The following FAM81B variants were observed in gnomAD, a reference collection of about 807,000 sequenced individuals.
FAM81B encodes protein FAM81B.
Under a neutral mutation model 58.7 loss-of-function variants are expected in FAM81B, and 60 were observed. That is an observed-to-expected ratio of 1.02 (90% confidence interval 0.83 to 1.27). The LOEUF is 1.27. FAM81B is among the 50% of genes most tolerant of loss of function. The pLI, the probability that FAM81B is intolerant of heterozygous loss-of-function variation, is 0.00. For synonymous variants in FAM81B, 189 were observed against 179.6 expected, an observed-to-expected ratio of 1.05 and a Z score of -0.42; for missense variants, 491 against 522.0, an observed-to-expected ratio of 0.94 and a Z score of 0.58.
At chr5:95,446,240 C>CA (rs1312519444) in intron 7 of FAM81B, among the ~76,000 whole-genome samples, 1 of 152,200 alleles carries the variant, frequency 6.6e-6, no homozygotes, top group Non-Finnish European at 1.5e-5. Context: ...CAGTGAGCCC[C>CA]AGGCCATGAG....
At chr5:95,424,966 A>G (rs1273478788) in intron 5 of FAM81B, among the ~76,000 whole-genome samples, 1 of 152,206 alleles carries the variant, frequency 6.6e-6, no homozygotes, top group Non-Finnish European at 1.5e-5. Context: ...AGATTAATCT[A>G]CTTTAGAAGC....
intron 3 of FAM81B, among the ~76,000 whole-genome samples, chr5:95,406,837 T>G (rs565112893): frequency 4.7e-4 from 72 of 152,312 alleles, no homozygotes; most frequent in South Asian, 3.1e-3. Flanking sequence ...AATAACTGTC[T>G]AACTCATTTC....
At chr5:95,447,927 C>T (rs187361459) in intron 8 of FAM81B, among the ~76,000 whole-genome samples, 94 of 152,250 alleles carry the variant, frequency 6.2e-4, no homozygotes, top group African/African-American at 2.2e-3. Flanking sequence ...GAAGTCTGTC[C>T]ACGTGGAGGT....
At chr5:95,443,854 G>A (rs1745455359) in intron 7 of FAM81B, among the ~76,000 whole-genome samples, 1 of 152,106 alleles carries the variant, frequency 6.6e-6, no homozygotes, top group Admixed American at 6.5e-5. Context: ...TTCAATTACT[G>A]ATATGCCCTT....
chr5:95,446,575 T>C lies in FAM81B; in HGVS notation c.907T>C (p.Ser303Pro). The change falls in exon 8 of 10, where the codon TCA becomes CCA. Residue 303 changes from serine (S) to proline (P), a missense_variant. Ser to Pro is a moderately conservative substitution (Grantham distance 74, BLOSUM62 -1). Coordinates refer to ENST00000283357, the MANE Select transcript of FAM81B (RefSeq NM_152548.3). ...TTTTTCCCATAGATTTCATTCACTT[T>C]CAAGTAATCTGTACGAAGAAGTTGA... ...NLLEFKFHSL[S>P]SNLYEEVENN... The C allele has an allele frequency of 6.3e-7, 1 of 1,590,304 alleles. No homozygotes were observed. The highest frequency in any genetic ancestry group is 8.5e-7 in the Non-Finnish European group (1 of 1,172,850).
chr5:95,438,063 A>G (rs965672993), intron 7 of FAM81B, among the ~76,000 whole-genome samples: 2 of 152,228 alleles, frequency 1.3e-5, no homozygotes, highest in African/African-American at 4.8e-5. Context: ...AAACCGTAGC[A>G]TATCATCATT....
intron 5 of FAM81B, among the ~76,000 whole-genome samples, chr5:95,428,041 C>G (rs1762894596): frequency 6.6e-6 from 1 of 152,160 alleles, no homozygotes; most frequent in Non-Finnish European, 1.5e-5. Flanking sequence ...TATGACAGTG[C>G]CTGACTGAGA....
intron 6 of FAM81B, among the ~76,000 whole-genome samples, chr5:95,432,651 A>C (rs992316748): frequency 6.6e-6 from 1 of 152,022 alleles, no homozygotes; most frequent in African/African-American, 2.4e-5. Flanking sequence ...CTTAGAAAAA[A>C]AATCTATTTC....
rs185812178 is a variant in FAM81B, at chr5:95,403,916, G to A, written c.293+7741G>A. Among the ~76,000 whole-genome samples, 96 of 152,294 alleles carry A rather than the reference G, an allele frequency of 6.3e-4. No homozygotes were observed. The East Asian group carries it at 0.015, about 23-fold the overall frequency. On this transcript the variant is annotated intron_variant, in intron 3 of 9. Transcript: ENST00000283357. Reference sequence around the variant, plus strand: ...GTTTGCCCCTCAGAAGGACATGGGGGACAGGAAGGATGAATCAAGTCAGGC... The same window carrying A: ...GTTTGCCCCTCAGAAGGACATGGGGAACAGGAAGGATGAATCAAGTCAGGC...
intron 3 of FAM81B, among the ~76,000 whole-genome samples, chr5:95,408,777 T>C (rs552227750): frequency 2.0e-5 from 3 of 152,352 alleles, no homozygotes; most frequent in Admixed American, 2.0e-4. Context: ...AGCCACAAGG[T>C]CTGGCTTGTA....
intron 1 of FAM81B, among the ~76,000 whole-genome samples, chr5:95,392,210 G>A (rs1427935503): frequency 6.6e-6 from 1 of 152,178 alleles, no homozygotes; most frequent in Non-Finnish European, 1.5e-5. Flanking sequence ...GCAGGGACAT[G>A]GATGAAGCTG....
At chr5:95,426,603 G>T (rs1285561961) in intron 5 of FAM81B, among the ~76,000 whole-genome samples, 1 of 152,154 alleles carries the variant, frequency 6.6e-6, no homozygotes, top group South Asian at 2.1e-4. Context: ...TGAAGGTTGC[G>T]CACTCCAGGA....
At position 95,413,264 on chromosome 5, in the gene FAM81B, A is replaced by C. The variant is rs146864640; in HGVS notation, c.294-683A>C. Among the ~76,000 whole-genome samples the C allele has an allele frequency of 4.0e-3, 603 of 152,258 alleles. 2 individuals carry two copies. The highest frequency in any genetic ancestry group is 0.01 in the Middle Eastern group (3 of 294). On this transcript the variant is annotated intron_variant, in intron 3 of 9. Transcript: ENST00000283357. ...GTTGTGCACTCAGACTCACACACTA[A>C]TCTCCTCTGGAAACACCCTCACAAG...
At chr5:95,413,890 G>A (rs1237207748) in intron 3 of FAM81B, 57 bp from the exon 4 acceptor site, 1 of 1,539,600 alleles carries the variant, frequency 6.5e-7, no homozygotes, top group Non-Finnish European at 8.7e-7. Flanking sequence ...CTGGTTCCTG[G>A]CTCCTCCAGC....
chr5:95,413,914 G>T (rs761892066), intron 3 of FAM81B, 33 bp from the exon 4 acceptor site: 22 of 1,589,424 alleles, frequency 1.4e-5, no homozygotes, highest in Non-Finnish European at 1.7e-5. Flanking sequence ...TTCTTGTAAT[G>T]CCCTGGTGTT....
At chr5:95,450,112 A>G in intron 9 of FAM81B, 37 bp from the exon 10 acceptor site, 1 of 1,563,110 alleles carries the variant, frequency 6.4e-7, no homozygotes, top group South Asian at 1.2e-5. Context: ...GCTCTAATGC[A>G]TTGTTTAAGT....
chr5:95,431,653 A>T lies in FAM81B; in HGVS notation c.786+2921A>T, dbSNP rs147460531. Among the ~76,000 whole-genome samples, 325 of 151,866 alleles carry T rather than the reference A, an allele frequency of 2.1e-3. 3 individuals are homozygous for T. The East Asian group carries it at 0.023, about 11-fold the overall frequency. ...TTAAGTTCTTGAGGAGTATTTTCAAATTTTTCTCATGTAGATTTGGCATAA... is the reference window on the plus strand; with the variant it reads ...TTAAGTTCTTGAGGAGTATTTTCAATTTTTTCTCATGTAGATTTGGCATAA... On this transcript the variant is annotated intron_variant, in intron 6 of 9. Coordinates refer to ENST00000283357, the MANE Select transcript of FAM81B (RefSeq NM_152548.3).
At chr5:95,400,447 C>CACACACACACACACACACAT (rs1554042707) in intron 3 of FAM81B, among the ~76,000 whole-genome samples, 5 of 151,292 alleles carry the variant, frequency 3.3e-5, no homozygotes, top group African/African-American at 1.2e-4. Flanking sequence ...CACACACACA[C>CACACACACACACACACACAT]ACATACATAC....
chr5:95,414,000 A>T lies in FAM81B; in HGVS notation c.347A>T (p.Asp116Val), dbSNP rs775321990. 5.0e-6 allele frequency: 8 copies of T among 1,614,086 alleles called. No individual in the cohort carries two copies. The South Asian group carries it at 6.6e-5, about 13-fold the overall frequency. ...IPNTQRGQLEDRLNNQARTIA... is the reference protein window; with the variant it reads ...IPNTQRGQLEVRLNNQARTIA... ...AACACCCAGAGAGGTCAGCTAGAAG[A>T]CAGACTGAACAACCAGGCGCGTACC... The change falls in exon 4 of 10, where the codon GAC becomes GTC. Residue 116 changes from aspartate (D) to valine (V), a missense_variant. Asp to Val is a radical substitution (Grantham distance 152). Transcript: ENST00000283357.
Sources: gnomAD v4.1 joint callset for allele counts (sites outside exome capture counted in the v4.1 genomes callset) on GRCh38, gnomAD v4.1.1 for gene constraint, MANE v1.5 for transcripts, NCBI Gene and HGNC (gene_info 2026-07-23, HGNC 2026-07-21) for gene names.